The following HIVEP3 variants were observed in gnomAD, a reference collection of about 807,000 sequenced individuals.
The protein encoded by HIVEP3 is HIVEP zinc finger 3.
A neutral mutation model predicts 152.8 loss-of-function variants in HIVEP3; 49 were observed. That is an observed-to-expected ratio of 0.32 (90% confidence interval 0.26 to 0.41). HIVEP3 has a LOEUF of 0.41. Ranked by LOEUF, HIVEP3 falls within the 10% of genes least tolerant of loss-of-function variation. The probability of loss-of-function intolerance (pLI) is 1.00; values close to 1 mark genes in which losing one functional copy is unlikely to be tolerated. For synonymous variants in HIVEP3, 1,269 were observed against 1,289.0 expected, an observed-to-expected ratio of 0.98 and a Z score of 0.33; for missense variants, 2,790 against 3,103.3, an observed-to-expected ratio of 0.90 and a Z score of 2.40.
At chr1:42,006,440 A>G (rs1463294877) in intron 1 of HIVEP3, among the ~76,000 whole-genome samples, 1 of 152,140 alleles carries the variant, frequency 6.6e-6, no homozygotes, top group Non-Finnish European at 1.5e-5. Context: ...GGTAATATCT[A>G]TATTATTTGC....
intron 5 of HIVEP3, among the ~76,000 whole-genome samples, chr1:41,534,423 C>G (rs186765199): frequency 1.3e-5 from 2 of 152,122 alleles, no homozygotes; most frequent in African/African-American, 2.4e-5. Context: ...GCACCACCCC[C>G]TCTCCTGTAA....
At chr1:41,786,028 C>T (rs556317827) in intron 1 of HIVEP3, among the ~76,000 whole-genome samples, 67 of 152,234 alleles carry the variant, frequency 4.4e-4, no homozygotes, top group African/African-American at 1.5e-3. Flanking sequence ...TAAACCCCAC[C>T]TCATAAGGGT....
At chr1:41,936,207 C>G (rs1645019428) in intron 1 of HIVEP3, among the ~76,000 whole-genome samples, 1 of 152,196 alleles carries the variant, frequency 6.6e-6, no homozygotes, top group Admixed American at 6.5e-5. Context: ...AAAGCAGTAA[C>G]TAATGCTTCC....
chr1:41,843,773 T>C (rs570338797), intron 1 of HIVEP3, among the ~76,000 whole-genome samples: 2 of 152,348 alleles, frequency 1.3e-5, no homozygotes, highest in African/African-American at 2.4e-5. Flanking sequence ...TTTTTTATTA[T>C]ACTTTAAGTT....
At chr1:41,878,561 G>A (rs1242097747) in intron 1 of HIVEP3, among the ~76,000 whole-genome samples, 1 of 152,192 alleles carries the variant, frequency 6.6e-6, no homozygotes, top group Non-Finnish European at 1.5e-5. Flanking sequence ...GGAGAGGGTA[G>A]GAGAAGAAAA....
intron 1 of HIVEP3, among the ~76,000 whole-genome samples, chr1:41,729,383 A>G (rs1646804913): frequency 6.6e-6 from 1 of 152,252 alleles, no homozygotes; most frequent in Non-Finnish European, 1.5e-5. Context: ...AAAACTGGCA[A>G]GAAACTGAGA....
At chr1:41,951,610 T>C (rs1445286493) in intron 1 of HIVEP3, among the ~76,000 whole-genome samples, 1 of 152,182 alleles carries the variant, frequency 6.6e-6, no homozygotes, top group Non-Finnish European at 1.5e-5. Context: ...ACTGGGTAAT[T>C]TATCAAGAAA....
At chr1:41,519,445 C>T (rs1363687766) in intron 6 of HIVEP3, among the ~76,000 whole-genome samples, 1 of 152,238 alleles carries the variant, frequency 6.6e-6, no homozygotes, top group Non-Finnish European at 1.5e-5. Flanking sequence ...CAGAGCATCC[C>T]AGCCTGCCCC....
intron 1 of HIVEP3, among the ~76,000 whole-genome samples, chr1:42,020,027 CT>C (rs1480069411): frequency 6.6e-6 from 1 of 151,998 alleles, no homozygotes; most frequent in Admixed American, 6.6e-5. Flanking sequence ...AAATGTTAAA[CT>C]ACTCTTGAAT....
At position 41,628,820 on chromosome 1, in the gene HIVEP3, C is replaced by T; in HGVS notation, c.-593G>A. The T allele has an allele frequency of 2.4e-6, 3 of 1,232,114 alleles. No individual in the cohort carries two copies. Among genetic ancestry groups the T allele is most frequent in the Non-Finnish European group, 3.0e-6 (3 of 987,980 alleles). 76.3% of individuals were successfully genotyped at this position (1,232,114 alleles called of 1,614,324 possible). A position where few individuals can be genotyped will look rare whatever the true frequency, so the allele number is the denominator to read the frequency against. On this transcript the variant is annotated 5_prime_UTR_variant, in exon 3 of 9. Transcript: ENST00000372583. ...CTCTCTGAAAGCCAGCATTCATGTC[C>T]ACTCCTACGGCAGCCACCCTCCACC...
At chr1:41,931,140 T>G (rs1031011077) in intron 1 of HIVEP3, among the ~76,000 whole-genome samples, 1 of 152,138 alleles carries the variant, frequency 6.6e-6, no homozygotes, top group Non-Finnish European at 1.5e-5. Context: ...CATTAATGTT[T>G]CTTTTATTGA....
intron 2 of HIVEP3, among the ~76,000 whole-genome samples, chr1:41,651,300 A>C (rs1645545104): frequency 6.6e-6 from 1 of 151,716 alleles, no homozygotes; most frequent in Non-Finnish European, 1.5e-5. Context: ...AATCCCAGCT[A>C]CTTGGGAGGC....
At position 41,840,959 on chromosome 1, in the gene HIVEP3, G is replaced by T. The variant is rs573504374; in HGVS notation, c.-801+77454C>A. ...ATCCAGTCAGTGGTTAAACAGTGGA[G>T]CCTGATCACTTACTTTATTAACTTG... On this transcript the variant is annotated intron_variant, in intron 1 of 8. Coordinates refer to ENST00000372583, the MANE Select transcript of HIVEP3 (RefSeq NM_024503.5). 9.2e-5 allele frequency among the ~76,000 whole-genome samples: 14 copies of T among 152,346 alleles called. No individual in the cohort carries two copies. In the South Asian group the frequency reaches 2.9e-3, roughly 32 times the overall value.
chr1:41,807,713 G>C lies in HIVEP3; in HGVS notation c.-800-106718C>G, dbSNP rs565511499. 3.9e-5 allele frequency among the ~76,000 whole-genome samples: 6 copies of C among 152,334 alleles called. No individual in the cohort carries two copies. In the South Asian group the frequency reaches 1.2e-3, roughly 32 times the overall value. ...GCGTGGAAAGGGCCAATGCTGTTGG[G>C]TGAAAGATGCTCTGGGAGGTCAAGA... On this transcript the variant is annotated intron_variant, in intron 1 of 8. Transcript: ENST00000372583.
intron 1 of HIVEP3, among the ~76,000 whole-genome samples, chr1:41,975,419 A>G (rs368204634): frequency 6.6e-6 from 1 of 152,228 alleles, no homozygotes; most frequent in East Asian, 1.9e-4. Context: ...GCCCACCACA[A>G]TGTTTCCAGG....
chr1:41,770,135 A>AT lies in HIVEP3; in HGVS notation c.-800-69141dup, dbSNP rs556820134. Among the ~76,000 whole-genome samples, 1,216 of 147,218 alleles carry AT rather than the reference A, an allele frequency of 8.3e-3. 7 individuals carry two copies. The highest frequency in any genetic ancestry group is 0.016 in the African/African-American group (661 of 40,258). ...AGGCGCCCACCACCACGCCCGGCTAATTTTTTTTTTTGTATTTTTAGTAGA... is the reference window on the plus strand; with the variant it reads ...AGGCGCCCACCACCACGCCCGGCTAATTTTTTTTTTTTGTATTTTTAGTAGA... On this transcript the variant is annotated intron_variant, in intron 1 of 8. Transcript: ENST00000372583.
At chr1:41,848,097 G>A (rs1643492781) in intron 1 of HIVEP3, 1 of 152,164 alleles carries the variant, frequency 6.6e-6, no homozygotes, top group Non-Finnish European at 1.5e-5. Context: ...TTTCTCCTAG[G>A]GAAGGATACC....
intron 1 of HIVEP3, among the ~76,000 whole-genome samples, chr1:41,931,278 T>C (rs1644994570): frequency 6.6e-6 from 1 of 152,138 alleles, no homozygotes; most frequent in Non-Finnish European, 1.5e-5. Flanking sequence ...TTTTCTCAGT[T>C]GTTTTTTAAG....
chr1:42,006,315 G>A, intron 1 of HIVEP3, among the ~76,000 whole-genome samples: 1 of 152,052 alleles, frequency 6.6e-6, no homozygotes, highest in East Asian at 1.9e-4. Context: ...TAAGGTGTGG[G>A]AAAGTACCCT....
Sources: allele counts gnomAD v4.1 joint callset (sites outside exome capture counted in the v4.1 genomes callset), GRCh38; gene constraint gnomAD v4.1.1; transcripts MANE v1.5; gene names NCBI Gene and HGNC (gene_info 2026-07-23, HGNC 2026-07-21).